PHF8: variants seen among roughly 807,000 people sequenced by gnomAD.
The protein encoded by PHF8 is PHD finger protein 8.
In PHF8, 9 loss-of-function variants were observed where a neutral mutation model predicts 74.4. The ratio of observed to expected loss-of-function variants is 0.12; its 90% confidence interval spans 0.07 to 0.21. The LOEUF (loss-of-function observed/expected upper bound fraction) is 0.21, where lower values mean the gene tolerates loss of function less well. Among genes scored for constraint, PHF8 ranks in the 10% least tolerant of loss-of-function variants. The pLI is 1.00. For synonymous variants in PHF8, 311 were observed against 316.6 expected, an observed-to-expected ratio of 0.98 and a Z score of 0.19; for missense variants, 478 against 816.6, an observed-to-expected ratio of 0.59 and a Z score of 5.05.
chrX:54,041,037 C>T (rs1348004744), intron 2 of PHF8, among the ~76,000 whole-genome samples: 1 of 111,676 alleles, frequency 9.0e-6, no homozygotes, highest in Non-Finnish European at 1.9e-5. Context: ...CTGCTGAGGG[C>T]AGGATTTTAG....
intron 18 of PHF8, among the ~76,000 whole-genome samples, chrX:53,980,382 T>C (rs931364397): frequency 2.7e-5 from 3 of 111,028 alleles, no homozygotes; most frequent in Non-Finnish European, 5.7e-5. Flanking sequence ...AGAGACGTCA[T>C]GGGCGTATAT....
intron 11 of PHF8, 120 bp from the exon 12 acceptor site, chrX:53,995,902 A>G (rs1415688921): frequency 3.2e-5 from 14 of 442,337 alleles, no homozygotes; most frequent in Non-Finnish European, 5.5e-5. Flanking sequence ...ATTCTGGACC[A>G]ATTGGATATC....
At chrX:54,039,191 T>TG (rs2066512661) in intron 2 of PHF8, among the ~76,000 whole-genome samples, 1 of 108,570 alleles carries the variant, frequency 9.2e-6, no homozygotes, top group African/African-American at 3.4e-5. Context: ...CTATCACCTC[T>TG]AGGTATCTGT....
At chrX:53,964,738 G>A (rs1036905955) in intron 18 of PHF8, among the ~76,000 whole-genome samples, 7 of 109,619 alleles carry the variant, frequency 6.4e-5, no homozygotes, top group African/African-American at 1.0e-4. Flanking sequence ...GTGGTGGCGC[G>A]CACCTGTAAT....
intron 6 of PHF8, 102 bp downstream of exon 6, chrX:54,016,493 C>CA (rs782287041): frequency 0.066 from 36,463 of 553,075 alleles, 4 homozygotes; most frequent in East Asian, 0.084. Context: ...GACTCTGTCT[C>CA]AAAAAAAAAA....
Position 53,993,650 on chromosome X carries a change from T to C in PHF8, c.1577A>G (p.Asp526Gly). 2.5e-6 allele frequency: 3 copies of C among 1,211,137 alleles called. No homozygotes were observed. Among genetic ancestry groups the C allele is most frequent in the Non-Finnish European group, 3.4e-6 (3 of 894,678 alleles). The change falls in exon 13 of 22, where the codon GAC becomes GGC. Residue 526 changes from aspartate (D) to glycine (G), a missense_variant. By Grantham distance (94) the Asp-to-Gly change is moderately conservative. This residue lies in a region of PHF8 where 153 missense variants were observed against 164.8 expected (regional missense o/e 0.93). Transcript: ENST00000338154. The stretch of plus-strand genomic sequence containing the variant: ...CTTCAGTGCCTGATGACTGTATGTG[T>C]CCATGAGATTATAGCTCAACTGGCC... Reference protein sequence around the residue: ...PAGQLSYNLMDTYSHQALKTG... With the variant: ...PAGQLSYNLMGTYSHQALKTG...
chrX:53,940,614 C>T, intron 20 of PHF8, 98 bp from the exon 21 acceptor site: 1 of 591,956 alleles, frequency 1.7e-6, no homozygotes, highest in South Asian at 2.5e-5. Flanking sequence ...GGTTGTGCAA[C>T]CTGCCACCCT....
At chrX:54,034,693 G>A (rs782205235) in intron 2 of PHF8, among the ~76,000 whole-genome samples, 8 of 110,135 alleles carry the variant, frequency 7.3e-5, no homozygotes, top group Non-Finnish European at 1.1e-4. Flanking sequence ...GCGTGGTGGC[G>A]GGCGCCTGTA....
chrX:54,006,118 C>T lies in PHF8; in HGVS notation c.947-3436G>A, dbSNP rs782714658. The stretch of plus-strand genomic sequence containing the variant: ...AATGTATGAAGAGAAATATTTAAGA[C>T]AAATACATGGAAAAATGTAAAACAT... On this transcript the variant is annotated intron_variant, in intron 8 of 21. Coordinates refer to ENST00000338154, the MANE Select transcript of PHF8 (RefSeq NM_015107.3). 5.4e-5 allele frequency among the ~76,000 whole-genome samples: 6 copies of T among 111,902 alleles called. No homozygotes were observed. The South Asian group carries it at 2.2e-3, about 41-fold the overall frequency.
rs1450938987 is a variant in PHF8, at chrX:53,984,895, T to C, written c.2443+19A>G. Reference sequence around the variant, plus strand: ...GGAGACCCCTTCTGGCCTGAACCCATGTGCTTAGCTGCCCTTACTATACTC... The same window carrying C: ...GGAGACCCCTTCTGGCCTGAACCCACGTGCTTAGCTGCCCTTACTATACTC... On this transcript the variant is annotated intron_variant, in intron 18 of 21. Coordinates refer to ENST00000338154, the MANE Select transcript of PHF8 (RefSeq NM_015107.3). 3 of 1,180,406 alleles carry C rather than the reference T, an allele frequency of 2.5e-6. No individual in the cohort carries two copies. Among genetic ancestry groups the C allele is most frequent in the Non-Finnish European group, 3.5e-6 (3 of 868,505 alleles).
intron 2 of PHF8, among the ~76,000 whole-genome samples, chrX:54,024,729 G>C (rs2066238105): frequency 8.9e-6 from 1 of 112,163 alleles, no homozygotes; most frequent in Non-Finnish European, 1.9e-5. Context: ...TCTGTGGTAA[G>C]TACAGAAAGT....
Position 54,044,357 on chromosome X carries a change from G to C in PHF8, c.-688C>G. 1.3e-6 allele frequency: 1 copy of C among 750,483 alleles called. No individual in the cohort carries two copies. The highest frequency in any genetic ancestry group is 1.6e-6 in the Non-Finnish European group (1 of 635,281). 61.8% of individuals were successfully genotyped at this position (750,483 alleles called of 1,213,427 possible). On this transcript the variant is annotated 5_prime_UTR_variant, in exon 1 of 22. Coordinates refer to ENST00000338154, the MANE Select transcript of PHF8 (RefSeq NM_015107.3). ...CAATAAAGTTTATTCAAAACAATGA[G>C]GAAGTTGAGGCGGAGAGGGGAGGAG... is the stretch of plus-strand genomic sequence containing the variant.
intron 14 of PHF8, among the ~76,000 whole-genome samples, chrX:53,991,518 T>G (rs1349288164): frequency 9.1e-6 from 1 of 109,701 alleles, no homozygotes; most frequent in Admixed American, 9.8e-5. Context: ...AAAAATTAGC[T>G]GGGCATAGTG....
chrX:53,962,942 G>A lies in PHF8; in HGVS notation c.2444-3C>T. ...ATCAGACTCCAGTGAAGGATAGACTGCAGGGAGAAGGGAAAACAGGGTAAA... is the reference window on the plus strand; with the variant it reads ...ATCAGACTCCAGTGAAGGATAGACTACAGGGAGAAGGGAAAACAGGGTAAA... On this transcript the variant is annotated splice_region_variant and splice_polypyrimidine_tract_variant and intron_variant, in intron 18 of 21. Coordinates refer to ENST00000338154, the MANE Select transcript of PHF8 (RefSeq NM_015107.3). The A allele has an allele frequency of 9.0e-7, 1 of 1,106,478 alleles. No homozygotes were observed. Among genetic ancestry groups the A allele is most frequent in the African/African-American group, 1.8e-5 (1 of 55,850 alleles). 91.2% of individuals were successfully genotyped at this position (1,106,478 alleles called of 1,213,427 possible). A position where few individuals can be genotyped will look rare whatever the true frequency, so the allele number is the denominator to read the frequency against.
At chrX:53,948,068 T>C (rs781937104) in intron 19 of PHF8, among the ~76,000 whole-genome samples, 22 of 111,603 alleles carry the variant, frequency 2.0e-4, no homozygotes, top group Admixed American at 9.5e-4. Flanking sequence ...ACAGAATACA[T>C]GAACATAAGA....
At position 53,987,812 on chromosome X, in the gene PHF8, A is replaced by G. The variant is rs1161776003; in HGVS notation, c.1863T>C (p.Ile621=). 5 of 1,207,031 alleles carry G rather than the reference A, an allele frequency of 4.1e-6. No individual in the cohort carries two copies. The highest frequency in any genetic ancestry group is 5.6e-6 in the Non-Finnish European group (5 of 893,212). The change falls in exon 15 of 22, where the codon ATT becomes ATC. Residue 621 remains isoleucine (I), a synonymous_variant. Transcript: ENST00000338154. The part of the protein sequence containing the change: ...FDLDSDDELQ[I]DERLGKEKAT... The stretch of plus-strand genomic sequence containing the variant: ...CCTTCTCCTTTCCCAATCTCTCGTC[A>G]ATCTGCAGCTCATCATCTGAATCCA...
intron 2 of PHF8, among the ~76,000 whole-genome samples, chrX:54,031,883 C>A (rs1557112667): frequency 9.0e-6 from 1 of 111,718 alleles, no homozygotes; most frequent in Non-Finnish European, 1.9e-5. Flanking sequence ...TTCCTAGGCC[C>A]CATCCCCAGA....
intron 19 of PHF8, among the ~76,000 whole-genome samples, chrX:53,946,912 A>C (rs782232306): frequency 2.7e-5 from 3 of 112,342 alleles, no homozygotes; most frequent in African/African-American, 9.7e-5. Flanking sequence ...AAAGAAAAAA[A>C]TTTAAAAAAC....
chrX:53,985,913 C>G lies in PHF8; in HGVS notation c.2032G>C (p.Val678Leu). 8.3e-7 allele frequency: 1 copy of G among 1,208,405 alleles called. No homozygotes were observed. The highest frequency in any genetic ancestry group is 1.1e-6 in the Non-Finnish European group (1 of 892,664). ...YTTDEDMVEGVEGKLGNGSGA... is the reference protein window; with the variant it reads ...YTTDEDMVEGLEGKLGNGSGA... ...CTACCATTCCCAAGCTTGCCTTCAA[C>G]CCCTTCCACCATGTCCTCATCTGTT... is the stretch of plus-strand genomic sequence containing the variant. Residue 678 changes from valine to leucine, a missense_variant, in exon 17 of 22, where the codon GTT becomes CTT. Transcript: ENST00000338154.
Sources: gnomAD v4.1 joint callset for allele counts (sites outside exome capture counted in the v4.1 genomes callset) on GRCh38, gnomAD v4.1.1 for gene constraint, gnomAD v4.1.1 regional missense constraint, MANE v1.5 for transcripts, NCBI Gene and HGNC (gene_info 2026-07-23, HGNC 2026-07-21) for gene names.